IMMP2L: variants seen among roughly 807,000 people sequenced by gnomAD.
IMMP2L encodes the protein inner mitochondrial membrane peptidase subunit 2.
A neutral mutation model predicts 19.3 loss-of-function variants in IMMP2L; 18 were observed. The ratio of observed to expected loss-of-function variants is 0.93; its 90% CI spans 0.64 to 1.38. The LOEUF is 1.38. Ranked by LOEUF, IMMP2L falls within the 40% of genes most tolerant of loss-of-function variation. The probability of loss-of-function intolerance (pLI) is 0.00; values close to 1 mark genes in which losing one functional copy is unlikely to be tolerated. For synonymous variants in IMMP2L, 76 were observed against 73.0 expected, an observed-to-expected ratio of 1.04 and a Z score of -0.21; for missense variants, 233 against 218.2, an observed-to-expected ratio of 1.07 and a Z score of -0.43.
chr7:110,914,471 A>T (rs942890511), intron 4 of IMMP2L, among the ~76,000 whole-genome samples: 2 of 152,120 alleles, frequency 1.3e-5, no homozygotes, highest in Non-Finnish European at 2.9e-5. Context: ...AGTGATGTGG[A>T]TGGTCTGCTG....
At chr7:111,224,438 C>T (rs1812860657) in intron 3 of IMMP2L, among the ~76,000 whole-genome samples, 1 of 151,976 alleles carries the variant, frequency 6.6e-6, no homozygotes, top group Admixed American at 6.6e-5. Context: ...TAGAGAGGAA[C>T]CCTGTTAAAA....
intron 3 of IMMP2L, among the ~76,000 whole-genome samples, chr7:111,281,886 G>A (rs1819925249): frequency 6.6e-6 from 1 of 152,126 alleles, no homozygotes; most frequent in Admixed American, 6.6e-5. Context: ...GGACAACTAA[G>A]GTTGTTTTTA....
chr7:111,133,972 C>G (rs185911819), intron 3 of IMMP2L, among the ~76,000 whole-genome samples: 1 of 151,968 alleles, frequency 6.6e-6, no homozygotes, highest in Non-Finnish European at 1.5e-5. Flanking sequence ...AATGTCACTC[C>G]AGCTTTCTAC....
chr7:111,542,872 A>T (rs1848611161), intron 1 of IMMP2L, among the ~76,000 whole-genome samples: 1 of 152,154 alleles, frequency 6.6e-6, no homozygotes, highest in Non-Finnish European at 1.5e-5. Flanking sequence ...CTGTCATTTC[A>T]GCACTCTCAA....
chr7:111,448,174 C>T (rs1838720010), intron 3 of IMMP2L, among the ~76,000 whole-genome samples: 2 of 129,374 alleles, frequency 1.5e-5, no homozygotes, highest in South Asian at 4.7e-4. Context: ...ACAAGGATAC[C>T]CAGGAATTGA....
At chr7:111,002,671 C>T (rs1823837801) in intron 3 of IMMP2L, among the ~76,000 whole-genome samples, 2 of 151,964 alleles carry the variant, frequency 1.3e-5, no homozygotes, top group Admixed American at 6.6e-5. Flanking sequence ...GAAAATTTAC[C>T]AACTTATTTG....
At chr7:111,518,712 A>G (rs185880366) in intron 2 of IMMP2L, among the ~76,000 whole-genome samples, 34 of 152,286 alleles carry the variant, frequency 2.2e-4, no homozygotes, top group Admixed American at 2.2e-3. Flanking sequence ...CTGCTCTTAA[A>G]GAATTTAAAG....
intron 3 of IMMP2L, among the ~76,000 whole-genome samples, chr7:111,485,847 G>A (rs1305734712): frequency 6.6e-6 from 1 of 151,728 alleles, no homozygotes; most frequent in African/African-American, 2.4e-5. Flanking sequence ...ATCTATTTAA[G>A]TCCACTTGGT....
intron 5 of IMMP2L, among the ~76,000 whole-genome samples, chr7:110,806,946 G>A (rs76523771): frequency 0.022 from 3,278 of 152,008 alleles, 54 homozygotes; most frequent in Middle Eastern, 0.034. Context: ...GGTTTAATAT[G>A]TTTCAGGATA....
chr7:110,882,531 C>CCACCA (rs1031870493), intron 5 of IMMP2L, among the ~76,000 whole-genome samples: 3 of 152,004 alleles, frequency 2.0e-5, no homozygotes, highest in African/African-American at 7.3e-5. Flanking sequence ...CAGGCATGTG[C>CCACCA]CACCACACCC....
At chr7:110,888,685 C>A (rs1810472023) in intron 4 of IMMP2L, among the ~76,000 whole-genome samples, 1 of 152,146 alleles carries the variant, frequency 6.6e-6, no homozygotes, top group Non-Finnish European at 1.5e-5. Flanking sequence ...CTTGCACTGA[C>A]CGTCTTATCT....
At chr7:111,189,387 A>T (rs909350571) in intron 3 of IMMP2L, among the ~76,000 whole-genome samples, 2 of 131,208 alleles carry the variant, frequency 1.5e-5, no homozygotes, top group East Asian at 4.7e-4. Context: ...AAAAAAAAAA[A>T]ATACTACAAG....
At chr7:110,896,859 T>C (rs1419575505) in intron 4 of IMMP2L, among the ~76,000 whole-genome samples, 3 of 151,994 alleles carry the variant, frequency 2.0e-5, no homozygotes, top group Non-Finnish European at 2.9e-5. Flanking sequence ...CAGGCTAGAG[T>C]GCAGTGGCAT....
chr7:111,299,141 A>C (rs140719078), intron 3 of IMMP2L, among the ~76,000 whole-genome samples: 2 of 152,284 alleles, frequency 1.3e-5, no homozygotes, highest in Admixed American at 1.3e-4. Context: ...AGACAAAGGC[A>C]AAGACAGAAG....
intron 5 of IMMP2L, among the ~76,000 whole-genome samples, chr7:110,729,721 T>G (rs1219744270): frequency 6.6e-6 from 1 of 152,164 alleles, no homozygotes; most frequent in African/African-American, 2.4e-5. Context: ...TGAAAACACA[T>G]GGACACATGG....
In IMMP2L at chr7:110,862,236, A is replaced by AC. The variant is rs1554440509; in HGVS notation, c.408+24356_408+24357insG. Among the ~76,000 whole-genome samples the AC allele has an allele frequency of 2.0e-5, 3 of 150,470 alleles. No homozygotes were observed. The East Asian group carries it at 5.8e-4, about 29-fold the overall frequency. On this transcript the variant is annotated intron_variant, in intron 5 of 5. Transcript: ENST00000405709. ...CAATTTTTTTTAATATATTTTATTT[A>AC]TTTTTTTTTAGAAATGGGGCTGTGT...
intron 5 of IMMP2L, among the ~76,000 whole-genome samples, chr7:110,860,996 A>AT (rs1807334153): frequency 6.6e-6 from 1 of 151,524 alleles, no homozygotes; most frequent in African/African-American, 2.4e-5. Flanking sequence ...CTGATTAAAA[A>AT]AATTAAAAAT....
intron 3 of IMMP2L, among the ~76,000 whole-genome samples, chr7:111,304,440 T>C (rs1374542286): frequency 6.6e-6 from 1 of 151,822 alleles, no homozygotes. Context: ...TGAGAATGAA[T>C]TGAGAAGAGT....
chr7:111,258,230 T>C (rs756466616), intron 3 of IMMP2L, among the ~76,000 whole-genome samples: 2 of 152,116 alleles, frequency 1.3e-5, no homozygotes, highest in Admixed American at 6.6e-5. Context: ...ATGAAGATAT[T>C]TGGAGCAATA....
Sources: gnomAD v4.1 joint callset for allele counts (sites outside exome capture counted in the v4.1 genomes callset) on GRCh38, gnomAD v4.1.1 for gene constraint, MANE v1.5 for transcripts, NCBI Gene and HGNC (gene_info 2026-07-23, HGNC 2026-07-21) for gene names.